MYO3A: variants seen among roughly 807,000 people sequenced by gnomAD.
MYO3A encodes the protein myosin IIIA, also known as myosin-IIIa.
MYO3A carries 180 observed loss-of-function variants against 192.7 expected under a neutral mutation model. That is an observed-to-expected ratio of 0.93 (90% CI 0.83 to 1.06). The LOEUF (loss-of-function observed/expected upper bound fraction) is 1.06, where lower values mean the gene tolerates loss of function less well. MYO3A is among the 50% of genes least tolerant of loss of function. The probability of loss-of-function intolerance (pLI) is 0.00; values close to 1 mark genes in which losing one functional copy is unlikely to be tolerated. For synonymous variants in MYO3A, 628 were observed against 645.3 expected, an observed-to-expected ratio of 0.97 and a Z score of 0.41; for missense variants, 1,896 against 1,905.0, an observed-to-expected ratio of 1.00 and a Z score of 0.09.
intron 4 of MYO3A, among the ~76,000 whole-genome samples, chr10:25,988,225 G>C (rs575117285): frequency 1.3e-5 from 2 of 152,224 alleles, no homozygotes; most frequent in South Asian, 4.1e-4. Flanking sequence ...GTGTGGGTGG[G>C]TGGTGAGGGA....
intron 10 of MYO3A, among the ~76,000 whole-genome samples, chr10:26,060,358 C>T (rs1834388305): frequency 6.6e-6 from 1 of 152,040 alleles, no homozygotes; most frequent in African/African-American, 2.4e-5. Context: ...ATCCCAGTTA[C>T]TCGGGATGCT....
rs977427777 is a variant in MYO3A at position 26,120,678 on chromosome 10, A to G, written c.1779A>G (p.Gln593=). The G allele has an allele frequency of 6.2e-7, 1 of 1,614,010 alleles. No individual in the cohort carries two copies. ...AATGTTTCTGTGGTGTGTTTCAGCA[A>G]CTTGGTAGTATATACAGCATACTCG... ...CFKVIGFTME[Q]LGSIYSILAA... is the part of the protein sequence containing the mutation. Residue 593 remains glutamine (Q), a splice_region_variant and synonymous_variant, in exon 18 of 35, where the codon CAA becomes CAG. Coordinates refer to ENST00000642920, the MANE Select transcript of MYO3A (RefSeq NM_017433.5).
intron 4 of MYO3A, among the ~76,000 whole-genome samples, chr10:25,961,488 G>A (rs569435081): frequency 8.5e-5 from 13 of 152,142 alleles, no homozygotes; most frequent in Admixed American, 4.6e-4. Flanking sequence ...CAGTAGAGTC[G>A]CTACAATTTA....
chr10:26,100,173 T>A (rs1029770768), intron 17 of MYO3A, among the ~76,000 whole-genome samples: 5 of 152,262 alleles, frequency 3.3e-5, no homozygotes, highest in African/African-American at 7.2e-5. Flanking sequence ...CCATTTCTTC[T>A]AGATTTTCTA....
At chr10:25,989,042 C>T (rs1015758508) in intron 4 of MYO3A, among the ~76,000 whole-genome samples, 1 of 149,140 alleles carries the variant, frequency 6.7e-6, no homozygotes, top group Non-Finnish European at 1.5e-5. Flanking sequence ...CTCATGGGCT[C>T]ATGCAATCCT....
chr10:25,979,580 T>G (rs560163534), intron 4 of MYO3A, among the ~76,000 whole-genome samples: 1 of 152,264 alleles, frequency 6.6e-6, no homozygotes, highest in South Asian at 2.1e-4. Context: ...ACAGCAGATT[T>G]AATATTCTCT....
intron 10 of MYO3A, among the ~76,000 whole-genome samples, chr10:26,037,436 A>G (rs533621547): frequency 6.6e-6 from 1 of 152,324 alleles, no homozygotes; most frequent in East Asian, 1.9e-4. Context: ...ACCAATTAAC[A>G]TGGAAGATTT....
At chr10:26,189,802 A>C (rs1449500890) in intron 31 of MYO3A, among the ~76,000 whole-genome samples, 4 of 152,218 alleles carry the variant, frequency 2.6e-5, no homozygotes, top group Non-Finnish European at 5.9e-5. Flanking sequence ...GTGGTGGCTC[A>C]CGCCTGTAAT....
intron 22 of MYO3A, among the ~76,000 whole-genome samples, chr10:26,145,859 G>GA (rs1337025190): frequency 1.3e-5 from 2 of 152,236 alleles, no homozygotes; most frequent in Non-Finnish European, 2.9e-5. Flanking sequence ...AAGTAACTAA[G>GA]AAAAAACAAA....
chr10:26,174,153 A>C lies in MYO3A; in HGVS notation c.3889A>C (p.Asn1297His). 6.2e-7 allele frequency: 1 copy of C among 1,614,210 alleles called. No individual in the cohort carries two copies. Among genetic ancestry groups the C allele is most frequent in the Non-Finnish European group, 8.5e-7 (1 of 1,180,044 alleles). The change falls in exon 30 of 35, where the codon AAT (asparagine) becomes CAT (histidine). Residue 1297 changes from asparagine to histidine, a missense_variant. Physicochemically the swap from Asn to His is moderately conservative, Grantham distance 68. Transcript: ENST00000642920. The stretch of plus-strand genomic sequence containing the variant: ...ACTTAGCCAAAGGTCAATTTATCAA[A>C]ATGCAAACAGCATGGAAAAAGAAAA... ...PTLSQRSIYQNANSMEKEKKT... is the reference protein window; with the variant it reads ...PTLSQRSIYQHANSMEKEKKT...
chr10:26,092,548 A>C lies in MYO3A; in HGVS notation c.1563-3833A>C, dbSNP rs139618888. ...TTCGTTGAAGATTCAAAGGTTTCACAGGTGAGTTAAGCTATACCCTTGTGA... is the reference window on the plus strand; with the variant it reads ...TTCGTTGAAGATTCAAAGGTTTCACCGGTGAGTTAAGCTATACCCTTGTGA... On this transcript the variant is annotated intron_variant, in intron 15 of 34. Coordinates refer to ENST00000642920, the MANE Select transcript of MYO3A (RefSeq NM_017433.5). 2.5e-3 allele frequency among the ~76,000 whole-genome samples: 377 copies of C among 152,272 alleles called. 2 individuals carry two copies. Among genetic ancestry groups the C allele is most frequent in the African/African-American group, 8.6e-3 (356 of 41,566 alleles).
intron 31 of MYO3A, among the ~76,000 whole-genome samples, chr10:26,177,685 T>C (rs1339711737): frequency 6.6e-6 from 1 of 152,206 alleles, no homozygotes; most frequent in African/African-American, 2.4e-5. Flanking sequence ...GCATTTATTT[T>C]CCCTTGCTTT....
At chr10:26,012,744 T>C (rs1841747817) in intron 6 of MYO3A, among the ~76,000 whole-genome samples, 1 of 152,040 alleles carries the variant, frequency 6.6e-6, no homozygotes, top group Admixed American at 6.6e-5. Context: ...AAAATGATTC[T>C]AAAATTAATA....
intron 17 of MYO3A, among the ~76,000 whole-genome samples, chr10:26,104,892 CACA>C (rs758196088): frequency 7.2e-5 from 11 of 151,830 alleles, no homozygotes; most frequent in African/African-American, 2.2e-4. Context: ...CACACACACA[CACA>C]CCCATGCAGA....
chr10:26,174,394 A>C lies in MYO3A; in HGVS notation c.4130A>C (p.Gln1377Pro). The stretch of plus-strand genomic sequence containing the variant: ...GACAAGATGTCTTCTTTTAAGCATC[A>C]GAGGATTGTCACAACACCAACAGAA... Reference protein sequence around the residue: ...RKDKMSSFKHQRIVTTPTEVA... With the variant: ...RKDKMSSFKHPRIVTTPTEVA... Residue 1377 changes from glutamine to proline, a missense_variant, in exon 30 of 35, where the codon CAG becomes CCG. Gln to Pro is a moderately conservative substitution (Grantham distance 76). Coordinates refer to ENST00000642920, the MANE Select transcript of MYO3A (RefSeq NM_017433.5). 10 of 1,614,222 alleles carry C rather than the reference A, an allele frequency of 6.2e-6. No individual in the cohort carries two copies. The highest frequency in any genetic ancestry group is 8.5e-6 in the Non-Finnish European group (10 of 1,180,042).
At chr10:25,945,200 G>A (rs1434917754) in intron 2 of MYO3A, among the ~76,000 whole-genome samples, 1 of 151,886 alleles carries the variant, frequency 6.6e-6, no homozygotes, top group Non-Finnish European at 1.5e-5. Context: ...CAGTCTTCTA[G>A]TTTCATTACA....
chr10:26,168,794 G>C lies in MYO3A; in HGVS notation c.3194G>C (p.Cys1065Ser), dbSNP rs759442276. The C allele has an allele frequency of 6.2e-7, 1 of 1,613,242 alleles. No homozygotes were observed. Among genetic ancestry groups the C allele is most frequent in the Admixed American group, 1.7e-5 (1 of 60,030 alleles). ...GACAAGCTTATTTTGATTCAAGCTT[G>C]TGTCAGAGCATTCTTGTGTTCAAGA... The part of the protein sequence containing the change: ...AIDKLILIQA[C>S]VRAFLCSRRY... The change falls in exon 28 of 35, where the codon TGT becomes TCT. Residue 1065 changes from cysteine to serine, a missense_variant. Transcript: ENST00000642920.
chr10:26,094,651 C>G (rs998380671), intron 15 of MYO3A, among the ~76,000 whole-genome samples: 1 of 152,078 alleles, frequency 6.6e-6, no homozygotes, highest in Non-Finnish European at 1.5e-5. Context: ...GTCTCGATCT[C>G]CTGACCTTGT....
intron 4 of MYO3A, among the ~76,000 whole-genome samples, chr10:25,976,751 A>AT (rs1838987134): frequency 6.6e-6 from 1 of 152,114 alleles, no homozygotes; most frequent in Non-Finnish European, 1.5e-5. Flanking sequence ...CTATTTTAGC[A>AT]TTGTGTTGCA....
Sources: allele counts gnomAD v4.1 joint callset (sites outside exome capture counted in the v4.1 genomes callset), GRCh38; gene constraint gnomAD v4.1.1; transcripts MANE v1.5; gene names NCBI Gene and HGNC (gene_info 2026-07-23, HGNC 2026-07-21).